PDE4B: variants seen among roughly 807,000 people sequenced by gnomAD.
PDE4B encodes phosphodiesterase 4B.
In PDE4B, 20 loss-of-function variants were observed where a neutral mutation model predicts 82.2. That is an observed-to-expected ratio of 0.24 (90% CI 0.17 to 0.35). The LOEUF is 0.35. PDE4B is among the 10% of genes least tolerant of loss of function. The pLI, the probability that PDE4B is intolerant of heterozygous loss-of-function variation, is 1.00. For missense variants in PDE4B, 655 were observed against 907.2 expected (o/e 0.72, Z 3.57); for synonymous variants, 320 against 318.9 (o/e 1.00, Z -0.04).
At chr1:66,188,770 G>A (rs183661141) in intron 3 of PDE4B, among the ~76,000 whole-genome samples, 4,345 of 151,756 alleles carry the variant, frequency 0.029, 92 homozygotes, top group Middle Eastern at 0.095. Context: ...CACACTGATC[G>A]GTCTTGACTG....
intron 3 of PDE4B, among the ~76,000 whole-genome samples, chr1:65,983,369 A>G (rs752482584): frequency 3.4e-4 from 52 of 152,240 alleles, no homozygotes; most frequent in Middle Eastern, 3.4e-3. Context: ...CATATGACAG[A>G]CAACGACATG....
At chr1:66,260,424 A>G (rs1654595572) in intron 6 of PDE4B, among the ~76,000 whole-genome samples, 1 of 152,032 alleles carries the variant, frequency 6.6e-6, no homozygotes, top group African/African-American at 2.4e-5. Flanking sequence ...AAGGTCAGAA[A>G]GCCTGAAGAC....
At chr1:66,271,284 G>A (rs1162589608) in intron 7 of PDE4B, among the ~76,000 whole-genome samples, 4 of 152,088 alleles carry the variant, frequency 2.6e-5, no homozygotes, top group Non-Finnish European at 4.4e-5. Context: ...GAATGAAACC[G>A]AGGAGGCCTC....
intron 3 of PDE4B, among the ~76,000 whole-genome samples, chr1:66,138,643 TA>T (rs1311129999): frequency 6.6e-6 from 1 of 152,218 alleles, no homozygotes; most frequent in Admixed American, 6.5e-5. Flanking sequence ...CAGGTAGGAT[TA>T]ATACATTTTG....
intron 7 of PDE4B, among the ~76,000 whole-genome samples, chr1:66,323,653 C>T (rs997745303): frequency 4.6e-5 from 7 of 152,108 alleles, no homozygotes; most frequent in Non-Finnish European, 7.4e-5. Context: ...AAGCACTTTA[C>T]ATTTATTTAT....
At chr1:65,815,148 G>A (rs1177705859) in intron 1 of PDE4B, among the ~76,000 whole-genome samples, 3 of 151,448 alleles carry the variant, frequency 2.0e-5, no homozygotes, top group Admixed American at 1.3e-4. Context: ...ATGCTGGTGC[G>A]CTGCACCCAC....
chr1:65,981,076 G>T (rs181267614), intron 3 of PDE4B, among the ~76,000 whole-genome samples: 6 of 152,152 alleles, frequency 3.9e-5, no homozygotes, highest in Non-Finnish European at 8.8e-5. Flanking sequence ...GACCTGGGAG[G>T]CCCCAAAATA....
chr1:66,025,005 T>G (rs1653358701), intron 3 of PDE4B, among the ~76,000 whole-genome samples: 1 of 152,030 alleles, frequency 6.6e-6, no homozygotes, highest in South Asian at 2.1e-4. Flanking sequence ...AGCTATATAT[T>G]TTAATAGTTT....
chr1:66,174,439 A>G (rs1029096113), intron 3 of PDE4B, among the ~76,000 whole-genome samples: 6 of 152,120 alleles, frequency 3.9e-5, no homozygotes, highest in Non-Finnish European at 7.4e-5. Flanking sequence ...TGCCTACTAT[A>G]TTCATCCATT....
In PDE4B at chr1:66,173,252, G is replaced by A. The variant is rs115553757; in HGVS notation, c.282-74208G>A. 7.7e-3 allele frequency among the ~76,000 whole-genome samples: 1,169 copies of A among 152,300 alleles called. 22 individuals carry two copies. The highest frequency in any genetic ancestry group is 0.027 in the African/African-American group (1,137 of 41,570). On this transcript the variant is annotated intron_variant, in intron 3 of 16. Transcript: ENST00000341517. ...GACACGAGAAGGAAAATGATTGCTT[G>A]TGACAACGCTGAAAAGGCAATAGGG... is the stretch of plus-strand genomic sequence containing the variant.
rs376075112 is a variant in PDE4B at position 66,041,799 on chromosome 1, T to TACACACAC, written c.281+122986_281+122993dup. 3.9e-3 allele frequency among the ~76,000 whole-genome samples: 540 copies of TACACACAC among 139,134 alleles called. 3 individuals carry two copies. Among genetic ancestry groups the TACACACAC allele is most frequent in the African/African-American group, 0.013 (486 of 38,354 alleles). 91.3% of individuals were successfully genotyped at this position (139,134 alleles called of 152,430 possible). On this transcript the variant is annotated intron_variant, in intron 3 of 16. Coordinates refer to ENST00000341517, the MANE Select transcript of PDE4B (RefSeq NM_002600.4). The stretch of plus-strand genomic sequence containing the variant: ...AATCTATTTTACTTTTGCTTTGAAA[T>TACACACAC]ACACACACACACACACACACACACA...
intron 6 of PDE4B, among the ~76,000 whole-genome samples, chr1:66,265,482 G>A (rs910586276): frequency 1.4e-4 from 22 of 152,138 alleles, no homozygotes; most frequent in African/African-American, 4.8e-4. Flanking sequence ...GTAGAATGAC[G>A]TCCCAGTTCC....
chr1:66,269,859 T>C (rs1391780143), intron 7 of PDE4B, among the ~76,000 whole-genome samples: 1 of 152,228 alleles, frequency 6.6e-6, no homozygotes, highest in Non-Finnish European at 1.5e-5. Context: ...ATCCGAGTCA[T>C]GTAAATGTGA....
intron 1 of PDE4B, among the ~76,000 whole-genome samples, chr1:65,849,913 T>C (rs985804253): frequency 1.3e-5 from 2 of 152,066 alleles, no homozygotes; most frequent in Non-Finnish European, 2.9e-5. Context: ...GAACTAAGAG[T>C]CAATAAATTG....
intron 3 of PDE4B, among the ~76,000 whole-genome samples, chr1:65,943,253 G>A (rs1389775073): frequency 1.3e-5 from 2 of 151,690 alleles, no homozygotes; most frequent in Non-Finnish European, 1.5e-5. Context: ...TGCCAACATC[G>A]TTTATTAACG....
At position 66,332,487 on chromosome 1, in the gene PDE4B, TG is replaced by T; in HGVS notation, c.635-20del. On this transcript the variant is annotated intron_variant, in intron 7 of 16. Coordinates refer to ENST00000341517, the MANE Select transcript of PDE4B (RefSeq NM_002600.4). The stretch of plus-strand genomic sequence containing the variant: ...CTGCAGCCGCTCCAGCCTAACTACA[TG>T]CCTGTGTGTTTGTTTGCAGAAGAAT... 1 of 1,614,158 alleles carries T rather than the reference TG, an allele frequency of 6.2e-7. No homozygotes were observed. Among genetic ancestry groups the T allele is most frequent in the South Asian group, 1.1e-5 (1 of 91,090 alleles).
intron 3 of PDE4B, among the ~76,000 whole-genome samples, chr1:66,186,541 G>A (rs868081335): frequency 2.6e-5 from 4 of 152,110 alleles, no homozygotes; most frequent in Admixed American, 1.3e-4. Context: ...TCCTTGAAGA[G>A]GTCCTTCACG....
intron 3 of PDE4B, among the ~76,000 whole-genome samples, chr1:66,132,946 A>G (rs1319945154): frequency 1.3e-5 from 2 of 152,206 alleles, no homozygotes; most frequent in Non-Finnish European, 2.9e-5. Context: ...CAGCAGTGGC[A>G]TATCTTAGAA....
At chr1:66,097,579 T>C (rs1249183097) in intron 3 of PDE4B, among the ~76,000 whole-genome samples, 1 of 152,074 alleles carries the variant, frequency 6.6e-6, no homozygotes, top group African/African-American at 2.4e-5. Flanking sequence ...ATACAATGCA[T>C]TGTAATTTTT....
Sources: allele counts gnomAD v4.1 joint callset (sites outside exome capture counted in the v4.1 genomes callset), GRCh38; gene constraint gnomAD v4.1.1; transcripts MANE v1.5; gene names NCBI Gene and HGNC (gene_info 2026-07-23, HGNC 2026-07-21).